Variants in PTPRK observed in about 807,000 individuals in gnomAD.
PTPRK encodes receptor-type tyrosine-protein phosphatase kappa.
A neutral mutation model predicts 178.0 loss-of-function variants in PTPRK; 75 were observed. That is an observed-to-expected ratio of 0.42 (90% confidence interval 0.35 to 0.51). PTPRK has a LOEUF of 0.51. Ranked by LOEUF, PTPRK falls within the 20% of genes least tolerant of loss-of-function variation. The probability of loss-of-function intolerance (pLI) is 0.02; values close to 1 mark genes in which losing one functional copy is unlikely to be tolerated. For synonymous variants in PTPRK, 637 were observed against 620.6 expected, an observed-to-expected ratio of 1.03 and a Z score of -0.39; for missense variants, 1,441 against 1,797.8, an observed-to-expected ratio of 0.80 and a Z score of 3.59.
Position 128,434,109 on chromosome 6 carries a change from T to C in PTPRK, c.101-36421A>G, listed in dbSNP as rs941743741. Among the ~76,000 whole-genome samples the C allele has an allele frequency of 4.5e-4, 68 of 151,850 alleles. 1 individual carries two copies. Among genetic ancestry groups the C allele is most frequent in the African/African-American group, 1.6e-3 (66 of 41,414 alleles). On this transcript the variant is annotated intron_variant, in intron 1 of 29. Transcript: ENST00000368226. ...TTTAGACAACAGTCTAGGAACTACA[T>C]GGATAAAATTACTCCTGCAGGAAGA...
intron 2 of PTPRK, among the ~76,000 whole-genome samples, chr6:128,368,397 A>G (rs868355507): frequency 3.4e-4 from 51 of 152,010 alleles, no homozygotes; most frequent in African/African-American, 1.2e-3. Context: ...AAGAAAAAAA[A>G]AAAACGTCAA....
At chr6:128,389,348 A>T (rs929514922) in intron 2 of PTPRK, among the ~76,000 whole-genome samples, 9 of 150,900 alleles carry the variant, frequency 6.0e-5, no homozygotes, top group African/African-American at 2.2e-4. Flanking sequence ...AATATCATAT[A>T]TATTTTTAAT....
chr6:127,994,941 CAT>C (rs1465657739), intron 18 of PTPRK, among the ~76,000 whole-genome samples: 1 of 151,800 alleles, frequency 6.6e-6, no homozygotes, highest in Non-Finnish European at 1.5e-5. Context: ...CAGCTTCTCA[CAT>C]ATGTTTAGGG....
intron 1 of PTPRK, among the ~76,000 whole-genome samples, chr6:128,445,124 G>C (rs2128402303): frequency 6.7e-6 from 1 of 148,844 alleles, no homozygotes; most frequent in East Asian, 1.9e-4. Flanking sequence ...CAGCACTTTG[G>C]TGGGAGGAAA....
chr6:128,127,785 G>GTA (rs1175097176), intron 7 of PTPRK, among the ~76,000 whole-genome samples: 2 of 152,152 alleles, frequency 1.3e-5, no homozygotes, highest in African/African-American at 4.8e-5. Context: ...AATGATTGGT[G>GTA]TACTCCATCT....
chr6:128,042,276 T>C (rs1777317649), intron 13 of PTPRK, among the ~76,000 whole-genome samples: 1 of 152,018 alleles, frequency 6.6e-6, no homozygotes, highest in Non-Finnish European at 1.5e-5. Flanking sequence ...TTGTATTCAT[T>C]AGGTATAAGT....
intron 1 of PTPRK, among the ~76,000 whole-genome samples, chr6:128,465,773 C>T (rs557301495): frequency 6.6e-6 from 1 of 152,198 alleles, no homozygotes; most frequent in East Asian, 1.9e-4. Flanking sequence ...TCACAGGTAC[C>T]TGGGGCCCTG....
chr6:128,143,983 C>T (rs1465566658), intron 7 of PTPRK, among the ~76,000 whole-genome samples: 1 of 152,134 alleles, frequency 6.6e-6, no homozygotes, highest in Non-Finnish European at 1.5e-5. Context: ...AACTCTACTT[C>T]CTTGAACTAT....
At chr6:128,503,320 T>C (rs1015980943) in intron 1 of PTPRK, among the ~76,000 whole-genome samples, 1 of 152,204 alleles carries the variant, frequency 6.6e-6, no homozygotes, top group African/African-American at 2.4e-5. Context: ...CCCAAGTACA[T>C]TTTGTGCCCA....
intron 7 of PTPRK, among the ~76,000 whole-genome samples, chr6:128,156,094 T>C (rs919769799): frequency 5.3e-5 from 8 of 151,950 alleles, no homozygotes; most frequent in Non-Finnish European, 1.0e-4. Flanking sequence ...TACATTTTTT[T>C]CTCATGATTT....
At chr6:128,459,677 A>G (rs1165763794) in intron 1 of PTPRK, among the ~76,000 whole-genome samples, 1 of 152,202 alleles carries the variant, frequency 6.6e-6, no homozygotes, top group Non-Finnish European at 1.5e-5. Context: ...AATAAACAAG[A>G]CAATCATGGT....
chr6:128,409,659 A>C (rs2128378060), intron 1 of PTPRK, among the ~76,000 whole-genome samples: 1 of 152,310 alleles, frequency 6.6e-6, no homozygotes, highest in East Asian at 1.9e-4. Flanking sequence ...CTGTGTCCCC[A>C]ACCAAATCTC....
intron 1 of PTPRK, among the ~76,000 whole-genome samples, chr6:128,408,278 C>T (rs1341608678): frequency 1.3e-5 from 2 of 152,116 alleles, no homozygotes; most frequent in African/African-American, 4.8e-5. Context: ...ATCCCAGCTA[C>T]TCAGGAGGCT....
At chr6:128,497,398 C>T (rs1854839640) in intron 1 of PTPRK, among the ~76,000 whole-genome samples, 1 of 151,972 alleles carries the variant, frequency 6.6e-6, no homozygotes, top group Admixed American at 6.6e-5. Flanking sequence ...TCCCTTGAGC[C>T]CAGGAGTTTG....
intron 7 of PTPRK, among the ~76,000 whole-genome samples, chr6:128,123,584 T>G (rs1432730743): frequency 1.3e-5 from 2 of 152,194 alleles, no homozygotes; most frequent in African/African-American, 2.4e-5. Flanking sequence ...TTTGTCAAAA[T>G]TAATGAACCA....
In PTPRK at chr6:128,006,094, A is replaced by G. The variant is rs1390472058; in HGVS notation, c.2334-850T>C. The G allele has an allele frequency of 8.7e-6, 13 of 1,499,884 alleles. No homozygotes were observed. In the South Asian group the frequency reaches 1.2e-4, roughly 14 times the overall value. The allele number at this position is 1,499,884 out of a possible 1,614,324, so 92.9% of individuals were successfully genotyped here. ...CACAGACAGTGGAAAAAGAGAAGCA[A>G]TGGTGAATGAAAAGCGTGACTCTGT... is the stretch of plus-strand genomic sequence containing the variant. On this transcript the variant is annotated intron_variant, in intron 14 of 29. Transcript: ENST00000368226.
chr6:128,355,712 G>A (rs1169587028), intron 2 of PTPRK, among the ~76,000 whole-genome samples: 1 of 151,990 alleles, frequency 6.6e-6, no homozygotes, highest in Non-Finnish European at 1.5e-5. Flanking sequence ...CGAGTTAATG[G>A]GTGCAGCACA....
At chr6:128,198,279 G>A (rs534709906) in intron 6 of PTPRK, among the ~76,000 whole-genome samples, 1 of 152,166 alleles carries the variant, frequency 6.6e-6, no homozygotes, top group African/African-American at 2.4e-5. Context: ...TAAATGCACT[G>A]CCCTTTCATG....
At chr6:128,485,477 T>C (rs2128426014) in intron 1 of PTPRK, among the ~76,000 whole-genome samples, 1 of 152,246 alleles carries the variant, frequency 6.6e-6, no homozygotes, top group East Asian at 1.9e-4. Flanking sequence ...CACACACAGA[T>C]AATGCCTAAT....
Sources: gnomAD v4.1 joint callset for allele counts (sites outside exome capture counted in the v4.1 genomes callset) on GRCh38, gnomAD v4.1.1 for gene constraint, MANE v1.5 for transcripts, NCBI Gene and HGNC (gene_info 2026-07-23, HGNC 2026-07-21) for gene names.